The following NCKAP1 variants were observed in gnomAD, a reference collection of about 807,000 sequenced individuals.
The protein encoded by NCKAP1 is NCK associated protein 1.
In NCKAP1, 21 loss-of-function variants were observed where a neutral mutation model predicts 151.2. That is an observed-to-expected ratio of 0.14 (90% CI 0.10 to 0.20). The LOEUF (loss-of-function observed/expected upper bound fraction) is 0.20. Ranked by LOEUF, NCKAP1 falls within the 10% of genes least tolerant of loss-of-function variation. The pLI is 1.00. For missense variants in NCKAP1, 933 were observed against 1,352.1 expected (o/e 0.69, Z 4.86); for synonymous variants, 484 against 451.8 (o/e 1.07, Z -0.90).
intron 24 of NCKAP1, among the ~76,000 whole-genome samples, chr2:182,936,825 T>G (rs1008828175): frequency 6.6e-6 from 1 of 152,172 alleles, no homozygotes; most frequent in African/African-American, 2.4e-5. Flanking sequence ...GATACCCAGA[T>G]GACCAGTAGA....
chr2:183,025,819 CAA>C (rs1698883813), intron 1 of NCKAP1, among the ~76,000 whole-genome samples: 1 of 152,084 alleles, frequency 6.6e-6, no homozygotes, highest in Non-Finnish European at 1.5e-5. Flanking sequence ...TAATAAAAAT[CAA>C]GTGTCATAAA....
intron 16 of NCKAP1, among the ~76,000 whole-genome samples, chr2:182,966,538 C>A (rs536682715): frequency 6.6e-6 from 1 of 152,174 alleles, no homozygotes; most frequent in African/African-American, 2.4e-5. Flanking sequence ...TCACCCACCT[C>A]GGCCTCCCAA....
chr2:182,970,137 A>G (rs1330644121), intron 15 of NCKAP1, among the ~76,000 whole-genome samples: 1 of 152,200 alleles, frequency 6.6e-6, no homozygotes, highest in African/African-American at 2.4e-5. Flanking sequence ...CCATGAGAGA[A>G]AAGCCTGGGA....
At chr2:182,992,416 C>A (rs1244984851) in intron 8 of NCKAP1, among the ~76,000 whole-genome samples, 4 of 152,204 alleles carry the variant, frequency 2.6e-5, no homozygotes, top group Non-Finnish European at 5.9e-5. Context: ...CGGCTCATTA[C>A]ACAAACTCAT....
chr2:183,014,188 T>G (rs548298918), intron 2 of NCKAP1, among the ~76,000 whole-genome samples: 28 of 152,182 alleles, frequency 1.8e-4, no homozygotes, highest in Non-Finnish European at 2.8e-4. Context: ...AGAACTTGGC[T>G]CATAGAAGGC....
chr2:183,002,872 C>A, intron 4 of NCKAP1, 102 bp downstream of exon 4: 2 of 759,724 alleles, frequency 2.6e-6, no homozygotes, highest in Non-Finnish European at 4.3e-6. Context: ...AATGCTAAAA[C>A]TTTATATGCT....
At chr2:182,987,990 G>A (rs1698090751) in intron 9 of NCKAP1, among the ~76,000 whole-genome samples, 1 of 152,156 alleles carries the variant, frequency 6.6e-6, no homozygotes, top group Admixed American at 6.5e-5. Context: ...TGGTGATGAT[G>A]CCGGAGTTTT....
chr2:182,934,558 C>T (rs1696834578), intron 26 of NCKAP1, 194 bp downstream of exon 26: 2 of 457,422 alleles, frequency 4.4e-6, no homozygotes, highest in Non-Finnish European at 7.7e-6. Flanking sequence ...TCAAAGAAGA[C>T]TGACTTTCAA....
intron 1 of NCKAP1, among the ~76,000 whole-genome samples, chr2:183,037,691 G>T (rs1022242883): frequency 1.3e-5 from 2 of 152,150 alleles, no homozygotes; most frequent in African/African-American, 2.4e-5. Context: ...CGCCGAGGAG[G>T]GGACAGCTCC....
intron 24 of NCKAP1, 123 bp downstream of exon 24, chr2:182,941,947 C>T (rs1697004364): frequency 1.4e-6 from 1 of 706,288 alleles, no homozygotes; most frequent in Admixed American, 2.9e-5. Flanking sequence ...TAGTTCTCTT[C>T]ATAAGCTAAA....
At position 182,928,117 on chromosome 2, in the gene NCKAP1, C is replaced by G. The variant is rs761671233; in HGVS notation, c.3180G>C (p.Ala1060=). The G allele has an allele frequency of 6.3e-7, 1 of 1,585,106 alleles. No individual in the cohort carries two copies. Among genetic ancestry groups the G allele is most frequent in the Non-Finnish European group, 8.6e-7 (1 of 1,157,912 alleles). Residue 1060 remains alanine, a splice_region_variant and synonymous_variant, in exon 29 of 31, where the codon GCG becomes GCC. Transcript: ENST00000361354. ...AGTTTTGTTATTTGATTATACATAC[C>G]GCCAGAAATTCTTTAAGACGGTCTT... ...SIEDRLKEFL[A]LASSSLLKIG... is the part of the protein sequence containing the mutation.
Position 182,978,616 on chromosome 2 carries a change from G to A in NCKAP1, c.1423+218C>T, listed in dbSNP as rs116391651. On this transcript the variant is annotated intron_variant, in intron 14 of 30. Coordinates refer to ENST00000361354, the MANE Select transcript of NCKAP1 (RefSeq NM_013436.5). The stretch of plus-strand genomic sequence containing the variant: ...TGTTTTATTGTTTTTGTTACAAAAT[G>A]CTTTTTTTCCTGCTTAATAATTAGA... Among the ~76,000 whole-genome samples, 2,360 of 152,060 alleles carry A rather than the reference G, an allele frequency of 0.016. 24 individuals carry two copies. Among genetic ancestry groups the A allele is most frequent in the Middle Eastern group, 0.034 (10 of 294 alleles).
chr2:183,030,849 T>C (rs1033698646), intron 1 of NCKAP1, among the ~76,000 whole-genome samples: 14 of 152,330 alleles, frequency 9.2e-5, no homozygotes, highest in Non-Finnish European at 1.6e-4. Context: ...GAAAACTTTA[T>C]ATCAAGAGCA....
chr2:183,037,978 C>T lies in NCKAP1; in HGVS notation c.108+14G>A, dbSNP rs1457005578. 6.4e-7 allele frequency: 1 copy of T among 1,570,838 alleles called. No individual in the cohort carries two copies. The stretch of plus-strand genomic sequence containing the variant: ...CCGCCCGCCTCCGCCGCGGCCTCCC[C>T]GGCCCGTGCGCACCTTCTTGATGTT... On this transcript the variant is annotated intron_variant, in intron 1 of 30. Transcript: ENST00000361354.
At chr2:182,982,779 A>T (rs1174463765) in intron 12 of NCKAP1, 42 bp downstream of exon 12, 1 of 1,292,480 alleles carries the variant, frequency 7.7e-7, no homozygotes, top group Non-Finnish European at 1.1e-6. Flanking sequence ...ATCAAGAAGC[A>T]TCTATATACA....
chr2:182,976,156 T>C (rs935542913), intron 15 of NCKAP1, among the ~76,000 whole-genome samples: 2 of 152,190 alleles, frequency 1.3e-5, no homozygotes, highest in Non-Finnish European at 2.9e-5. Context: ...TTGAGAACAC[T>C]GGGCCATTTT....
At chr2:182,989,705 C>CA (rs1251269959) in intron 8 of NCKAP1, among the ~76,000 whole-genome samples, 1 of 151,578 alleles carries the variant, frequency 6.6e-6, no homozygotes, top group African/African-American at 2.4e-5. Flanking sequence ...GACCCTGTCT[C>CA]AAAAAAAATT....
chr2:182,942,811 T>C (rs1179149880), intron 23 of NCKAP1, among the ~76,000 whole-genome samples: 1 of 152,116 alleles, frequency 6.6e-6, no homozygotes, highest in Non-Finnish European at 1.5e-5. Context: ...AAGAATGTTC[T>C]CCTCAAAAGA....
At chr2:182,973,995 T>G (rs926622906) in intron 15 of NCKAP1, among the ~76,000 whole-genome samples, 1 of 152,140 alleles carries the variant, frequency 6.6e-6, no homozygotes, top group African/African-American at 2.4e-5. Context: ...ATAGCTAGAT[T>G]ATAAAATCCT....
Sources: gnomAD v4.1 joint callset for allele counts (sites outside exome capture counted in the v4.1 genomes callset) on GRCh38, gnomAD v4.1.1 for gene constraint, MANE v1.5 for transcripts, NCBI Gene and HGNC (gene_info 2026-07-23, HGNC 2026-07-21) for gene names.